CFAP47: variants seen among roughly 807,000 people sequenced by gnomAD.
The protein encoded by CFAP47 is cilia and flagella associated protein 47, also known as cilia- and flagella-associated protein 47.
In CFAP47, 29 loss-of-function variants were observed where a neutral mutation model predicts 148.1. The ratio of observed to expected loss-of-function variants is 0.20; its 90% confidence interval spans 0.15 to 0.27. The LOEUF is 0.27. CFAP47 is among the 10% of genes least tolerant of loss of function. CFAP47 has a pLI of 1.00. For missense variants in CFAP47, 1,872 were observed against 1,697.5 expected, an observed-to-expected ratio of 1.10 and a Z score of -1.81; for synonymous variants, 664 against 577.3, an observed-to-expected ratio of 1.15 and a Z score of -2.15.
chrX:36,172,912 G>A (rs1350899828), intron 39 of CFAP47, among the ~76,000 whole-genome samples: 1 of 111,283 alleles, frequency 9.0e-6, no homozygotes, highest in Non-Finnish European at 1.9e-5. Flanking sequence ...GAATTCGGCT[G>A]TGAATCCATC....
chrX:36,147,068 C>T (rs995230242), intron 36 of CFAP47, among the ~76,000 whole-genome samples: 4 of 111,429 alleles, frequency 3.6e-5, no homozygotes, highest in African/African-American at 1.3e-4. Flanking sequence ...ATTTCTATAG[C>T]TATGGGCAAA....
chrX:36,319,328 A>T, intron 57 of CFAP47, 21 bp downstream of exon 57: 1 of 730,183 alleles, frequency 1.4e-6, no homozygotes. Context: ...TCTACCTTAC[A>T]TTCTATCATT....
chrX:36,199,560 T>G (rs1210725094), intron 42 of CFAP47, among the ~76,000 whole-genome samples: 1 of 112,075 alleles, frequency 8.9e-6, no homozygotes, highest in Non-Finnish European at 1.9e-5. Flanking sequence ...GCTCCCTTCA[T>G]TCTTTGTTAC....
At chrX:36,341,748 A>T (rs1941655463) in intron 57 of CFAP47, among the ~76,000 whole-genome samples, 1 of 111,079 alleles carries the variant, frequency 9.0e-6, no homozygotes, top group South Asian at 3.8e-4. Flanking sequence ...AATAATAATA[A>T]TAATAATGTC....
intron 49 of CFAP47, among the ~76,000 whole-genome samples, chrX:36,264,894 C>CT (rs1169061773): frequency 2.2e-4 from 25 of 112,151 alleles, no homozygotes; most frequent in African/African-American, 7.4e-4. Context: ...TATTTGGGCA[C>CT]TTTTTTGGCT....
Position 36,031,463 on chromosome X carries a change from T to C in CFAP47, c.3651+116T>C, listed in dbSNP as rs1937277928. Reference sequence around the variant, plus strand: ...TGAACTATTCCCTATGATTAATTTCTCCCCAATTGTTTATGCTCTTCGGAG... The same window carrying C: ...TGAACTATTCCCTATGATTAATTTCCCCCCAATTGTTTATGCTCTTCGGAG... On this transcript the variant is annotated intron_variant, in intron 23 of 63. Transcript: ENST00000378653. 1.5e-5 allele frequency: 4 copies of C among 261,601 alleles called. No homozygotes were observed. In the East Asian group the frequency reaches 2.2e-4, roughly 14 times the overall value. 21.6% of individuals were successfully genotyped at this position (261,601 alleles called of 1,213,427 possible). A position where few individuals can be genotyped will look rare whatever the true frequency, so the allele number is the denominator to read the frequency against.
rs186877931 is a variant in CFAP47 at position 36,089,828 on chromosome X, A to C, written c.4916+4290A>C. Among the ~76,000 whole-genome samples the C allele has an allele frequency of 4.2e-3, 475 of 112,108 alleles. 2 individuals carry two copies. Among genetic ancestry groups the C allele is most frequent in the African/African-American group, 0.015 (455 of 30,930 alleles). ...CTGCATATGTACTATTGAACTTAAAATTTAAATAAAAAAAGAATTAGAAAT... is the reference window on the plus strand; with the variant it reads ...CTGCATATGTACTATTGAACTTAAACTTTAAATAAAAAAAGAATTAGAAAT... On this transcript the variant is annotated intron_variant, in intron 30 of 63. Coordinates refer to ENST00000378653, the MANE Select transcript of CFAP47 (RefSeq NM_001304548.2).
chrX:35,957,672 C>A (rs1936266688), intron 8 of CFAP47, among the ~76,000 whole-genome samples: 1 of 111,997 alleles, frequency 8.9e-6, no homozygotes, highest in Non-Finnish European at 1.9e-5. Context: ...GTAACATATG[C>A]ATCTTTCAAA....
In CFAP47 at chrX:36,012,451, G is replaced by A. The variant is rs183370602; in HGVS notation, c.3418-2323G>A. Among the ~76,000 whole-genome samples, 835 of 111,993 alleles carry A rather than the reference G, an allele frequency of 7.5e-3. 5 individuals carry two copies. The highest frequency in any genetic ancestry group is 0.023 in the Middle Eastern group (5 of 219). On this transcript the variant is annotated intron_variant, in intron 21 of 63. Transcript: ENST00000378653. ...GAATGATAGACTGGATAAAGAAAACGTGACACATATACACCATGGAATACT... is the reference window on the plus strand; with the variant it reads ...GAATGATAGACTGGATAAAGAAAACATGACACATATACACCATGGAATACT...
chrX:36,009,018 A>G (rs1286810175), intron 21 of CFAP47, among the ~76,000 whole-genome samples: 2 of 110,701 alleles, frequency 1.8e-5, no homozygotes, highest in East Asian at 5.7e-4. Context: ...CCCTGGCCTC[A>G]CACTTCCTTT....
intron 21 of CFAP47, among the ~76,000 whole-genome samples, chrX:36,012,006 T>C (rs1454467858): frequency 9.0e-6 from 1 of 111,491 alleles, no homozygotes; most frequent in African/African-American, 3.3e-5. Context: ...AAGTTTTTAA[T>C]CCATCAAAAG....
chrX:36,361,893 G>A (rs6632589), intron 61 of CFAP47, among the ~76,000 whole-genome samples: 8,484 of 111,852 alleles, frequency 0.076, 304 homozygotes, highest in East Asian at 0.23. Context: ...ATTTTACATT[G>A]CAACTGCTTT....
intron 33 of CFAP47, among the ~76,000 whole-genome samples, chrX:36,131,205 C>A (rs1379974533): frequency 9.0e-6 from 1 of 110,664 alleles, no homozygotes; most frequent in Non-Finnish European, 1.9e-5. Context: ...TATGTAGCCA[C>A]AGAAATTAAA....
intron 57 of CFAP47, among the ~76,000 whole-genome samples, chrX:36,323,793 A>G (rs1406026971): frequency 9.0e-6 from 1 of 111,637 alleles, no homozygotes; most frequent in Non-Finnish European, 1.9e-5. Context: ...GTAAAATTAG[A>G]TCTAGATGTA....
At chrX:36,199,959 TC>T (rs1939961726) in intron 42 of CFAP47, among the ~76,000 whole-genome samples, 1 of 112,260 alleles carries the variant, frequency 8.9e-6, no homozygotes, top group Admixed American at 9.5e-5. Context: ...TTTTCCATGT[TC>T]ATTTTGAAAG....
chrX:36,135,093 G>T (rs898761767), intron 33 of CFAP47, among the ~76,000 whole-genome samples: 2 of 110,688 alleles, frequency 1.8e-5, no homozygotes, highest in African/African-American at 6.6e-5. Flanking sequence ...CTATGAGGAT[G>T]CCAAGGCGTA....
intron 51 of CFAP47, among the ~76,000 whole-genome samples, chrX:36,290,136 C>G (rs1941179986): frequency 9.0e-6 from 1 of 110,719 alleles, no homozygotes; most frequent in African/African-American, 3.3e-5. Context: ...GCTGGCCAAG[C>G]TCTGTGCTCT....
intron 33 of CFAP47, among the ~76,000 whole-genome samples, chrX:36,136,773 A>C (rs745347073): frequency 4.5e-5 from 5 of 111,934 alleles, no homozygotes; most frequent in African/African-American, 1.6e-4. Context: ...AAGCACATGT[A>C]GGTTATCATT....
At chrX:36,270,813 G>T (rs5973628) in intron 49 of CFAP47, among the ~76,000 whole-genome samples, 4 of 107,982 alleles carry the variant, frequency 3.7e-5, no homozygotes, top group Non-Finnish European at 7.6e-5. Flanking sequence ...TCCCCAGTCT[G>T]CAACTTGCCT....
Sources: gnomAD v4.1 joint callset for allele counts (sites outside exome capture counted in the v4.1 genomes callset) on GRCh38, gnomAD v4.1.1 for gene constraint, MANE v1.5 for transcripts, NCBI Gene and HGNC (gene_info 2026-07-23, HGNC 2026-07-21) for gene names.